Variants in NAALADL2 observed in about 807,000 individuals in gnomAD.
NAALADL2 encodes inactive N-acetylated-alpha-linked acidic dipeptidase-like protein 2.
A neutral mutation model predicts 87.2 loss-of-function variants in NAALADL2; 76 were observed. The observed-to-expected ratio is 0.87, with a 90% confidence interval of 0.72 to 1.05. NAALADL2 has a LOEUF of 1.05. Among genes scored for constraint, NAALADL2 ranks in the 50% least tolerant of loss-of-function variants. The pLI is 0.00. For synonymous variants in NAALADL2, 354 were observed against 331.0 expected, an observed-to-expected ratio of 1.07 and a Z score of -0.75; for missense variants, 1,089 against 945.8, an observed-to-expected ratio of 1.15 and a Z score of -1.99.
intron 13 of NAALADL2, among the ~76,000 whole-genome samples, chr3:175,760,544 A>G (rs1189948775): frequency 6.6e-6 from 1 of 152,232 alleles, no homozygotes; most frequent in Non-Finnish European, 1.5e-5. Context: ...TATGTTGAAA[A>G]TTACAAAGCA....
At chr3:175,285,312 G>A (rs1402356994) in intron 4 of NAALADL2, among the ~76,000 whole-genome samples, 1 of 152,108 alleles carries the variant, frequency 6.6e-6, no homozygotes, top group Non-Finnish European at 1.5e-5. Context: ...TAGGTACATT[G>A]CACAGAATAC....
chr3:174,855,321 T>G (rs758111573), upstream of NAALADL2, among the ~76,000 whole-genome samples: 32 of 152,166 alleles, frequency 2.1e-4, no homozygotes, highest in Admixed American at 3.9e-4. Context: ...TATAATCTTT[T>G]GAGACCACCT....
At chr3:175,296,848 G>A (rs748814976) in intron 4 of NAALADL2, among the ~76,000 whole-genome samples, 2 of 152,096 alleles carry the variant, frequency 1.3e-5, no homozygotes, top group Non-Finnish European at 2.9e-5. Context: ...TTGATTTTGA[G>A]CATTTCAGGG....
intron 11 of NAALADL2, among the ~76,000 whole-genome samples, chr3:175,692,046 C>T (rs1024574790): frequency 6.6e-6 from 1 of 151,936 alleles, no homozygotes; most frequent in African/African-American, 2.4e-5. Flanking sequence ...TAACTTTTGC[C>T]TGATCTCAAG....
At chr3:175,545,613 C>G (rs908563630) in intron 9 of NAALADL2, among the ~76,000 whole-genome samples, 1 of 152,068 alleles carries the variant, frequency 6.6e-6, no homozygotes, top group Non-Finnish European at 1.5e-5. Context: ...CCTTGCATTA[C>G]TATAATGTTA....
intron 5 of NAALADL2, among the ~76,000 whole-genome samples, chr3:175,332,028 T>C (rs1761463848): frequency 6.6e-6 from 1 of 152,000 alleles, no homozygotes; most frequent in Non-Finnish European, 1.5e-5. Context: ...ACAAGGAAAT[T>C]AAAGACCTCA....
chr3:174,675,339 T>C (rs1156910092), intron 2 of NAALADL2, among the ~76,000 whole-genome samples: 2 of 152,154 alleles, frequency 1.3e-5, no homozygotes, highest in African/African-American at 4.8e-5. Flanking sequence ...TCATCTGAAT[T>C]GCCACCCTCT....
intron 1 of NAALADL2, among the ~76,000 whole-genome samples, chr3:174,466,249 T>C (rs887780787): frequency 6.6e-6 from 1 of 151,922 alleles, no homozygotes; most frequent in Non-Finnish European, 1.5e-5. Flanking sequence ...GACAAATTCA[T>C]AAAGTTTCTT....
At chr3:175,737,739 T>TTTTTTTTTTTG (rs1744704498) in intron 12 of NAALADL2, among the ~76,000 whole-genome samples, 1 of 144,718 alleles carries the variant, frequency 6.9e-6, no homozygotes. Context: ...TTTTTTTTTT[T>TTTTTTTTTTTG]TTTTTAACAT....
At chr3:175,388,248 G>A (rs547065016) in intron 5 of NAALADL2, among the ~76,000 whole-genome samples, 1 of 151,936 alleles carries the variant, frequency 6.6e-6, no homozygotes, top group African/African-American at 2.4e-5. Flanking sequence ...TAGTAGAGGC[G>A]CTAGCTAGCC....
intron 5 of NAALADL2, among the ~76,000 whole-genome samples, chr3:175,428,556 T>C (rs1717214854): frequency 6.6e-6 from 1 of 152,032 alleles, no homozygotes; most frequent in Admixed American, 6.6e-5. Flanking sequence ...CCTGGCACTC[T>C]CAATCTAGAA....
chr3:175,646,402 A>C (rs987252772), intron 11 of NAALADL2, among the ~76,000 whole-genome samples: 14 of 152,086 alleles, frequency 9.2e-5, no homozygotes, highest in Non-Finnish European at 2.9e-5. Flanking sequence ...AAATGTACCC[A>C]TTGTCTTCCA....
chr3:175,636,812 A>T (rs1019445025), intron 11 of NAALADL2, among the ~76,000 whole-genome samples: 1 of 152,106 alleles, frequency 6.6e-6, no homozygotes, highest in Non-Finnish European at 1.5e-5. Flanking sequence ...TACGCAACTG[A>T]TTTTTTGGAT....
chr3:175,713,666 T>TA (rs1220009749), intron 11 of NAALADL2, among the ~76,000 whole-genome samples: 10 of 152,160 alleles, frequency 6.6e-5, no homozygotes, highest in Admixed American at 5.2e-4. Flanking sequence ...ATCAGACTTT[T>TA]AAAAAATAAG....
At chr3:174,725,578 G>T (rs1684416229) in intron 2 of NAALADL2, among the ~76,000 whole-genome samples, 1 of 151,990 alleles carries the variant, frequency 6.6e-6, no homozygotes. Context: ...CATTTAAAAG[G>T]TCAACAGTGG....
chr3:174,476,314 A>G (rs1717207422), intron 1 of NAALADL2, among the ~76,000 whole-genome samples: 1 of 151,158 alleles, frequency 6.6e-6, no homozygotes, highest in African/African-American at 2.4e-5. Flanking sequence ...AAGTGTTTGC[A>G]GGGGAGAGGA....
intron 9 of NAALADL2, among the ~76,000 whole-genome samples, chr3:175,514,176 T>A (rs1731536347): frequency 6.6e-6 from 1 of 152,232 alleles, no homozygotes; most frequent in Admixed American, 6.5e-5. Flanking sequence ...ATAACCCTTG[T>A]AATTCAATTA....
At position 175,684,666 on chromosome 3, in the gene NAALADL2, G is replaced by T. The variant is rs374113997; in HGVS notation, c.1897-52640G>T. Among the ~76,000 whole-genome samples the T allele has an allele frequency of 7.9e-5, 12 of 152,058 alleles. 1 individual carries two copies. The East Asian group carries it at 2.1e-3, about 27-fold the overall frequency. ...AACAAACAAATAAATAGTTGGGTCTGGTGATATGTGCCTGTAGTCCCAGCT... is the reference window on the plus strand; with the variant it reads ...AACAAACAAATAAATAGTTGGGTCTTGTGATATGTGCCTGTAGTCCCAGCT... On this transcript the variant is annotated intron_variant, in intron 11 of 13. Transcript: ENST00000454872.
At chr3:174,973,816 A>C (rs912460294) in intron 1 of NAALADL2, among the ~76,000 whole-genome samples, 4 of 152,216 alleles carry the variant, frequency 2.6e-5, no homozygotes, top group African/African-American at 9.6e-5. Flanking sequence ...GAAAAGTTAC[A>C]GTAAAAATAG....
Sources: allele counts gnomAD v4.1 joint callset (sites outside exome capture counted in the v4.1 genomes callset), GRCh38; gene constraint gnomAD v4.1.1; transcripts MANE v1.5; gene names NCBI Gene and HGNC (gene_info 2026-07-23, HGNC 2026-07-21).